C5: variants seen among roughly 807,000 people sequenced by gnomAD.
The protein encoded by C5 is complement C5.
In C5, 140 loss-of-function variants were observed where a neutral mutation model predicts 218.8. That is an observed-to-expected ratio of 0.64 (90% confidence interval 0.56 to 0.74). The LOEUF is 0.74. Ranked by LOEUF, C5 falls within the 30% of genes least tolerant of loss-of-function variation. The probability of loss-of-function intolerance (pLI) is 0.00; values close to 1 mark genes in which losing one functional copy is unlikely to be tolerated. For synonymous variants in C5, 614 were observed against 682.3 expected, an observed-to-expected ratio of 0.90 and a Z score of 1.56; for missense variants, 1,700 against 1,969.6, an observed-to-expected ratio of 0.86 and a Z score of 2.59.
At position 121,032,137 on chromosome 9, in the gene C5, C is replaced by T. The variant is rs765073719; in HGVS notation, c.643G>A (p.Ala215Thr). The T allele has an allele frequency of 8.7e-6, 14 of 1,602,150 alleles. No homozygotes were observed. The highest frequency in any genetic ancestry group is 1.7e-5 in the Admixed American group (1 of 60,000). The change falls in exon 6 of 41, where the codon GCA becomes ACA. Residue 215 changes from alanine to threonine, a missense_variant. By Grantham distance (58) the Ala-to-Thr change is moderately conservative. Coordinates refer to ENST00000223642, the MANE Select transcript of C5 (RefSeq NM_001735.3). The part of the protein sequence containing the change: ...YKEDFSTTGT[A>T]YFEVKEYVLP... ...CCATATTCTTTAACTTCAAAATATGCGGTTCCAGTTGTTGAAAAGTCCTCT... is the reference window on the plus strand; with the variant it reads ...CCATATTCTTTAACTTCAAAATATGTGGTTCCAGTTGTTGAAAAGTCCTCT...
At chr9:121,002,270 A>G (rs886905333) in intron 20 of C5, among the ~76,000 whole-genome samples, 1,357 of 122,472 alleles carry the variant, frequency 0.011, 57 homozygotes, top group East Asian at 0.019. Flanking sequence ...ATGTATATAT[A>G]TGTATATATA....
rs144254021 is a variant in C5 at position 121,034,814 on chromosome 9, C to A, written c.573G>T (p.Pro191=). 3 of 1,547,768 alleles carry A rather than the reference C, an allele frequency of 1.9e-6. No homozygotes were observed. Among genetic ancestry groups the A allele is most frequent in the Admixed American group, 1.7e-5 (1 of 59,756 alleles). ...GIISFPDFKI[P]SNPRYGMWTI... Reference sequence around the variant, plus strand: ...CTATTTTTACATACCTAGGATTAGACGGAATCTTGAAGTCAGGAAAAGAGA... The same window carrying A: ...CTATTTTTACATACCTAGGATTAGAAGGAATCTTGAAGTCAGGAAAAGAGA... Residue 191 remains proline (P), a synonymous_variant, in exon 5 of 41, where the codon CCG becomes CCT. Transcript: ENST00000223642.
Position 121,015,202 on chromosome 9 carries a change from T to C in C5, c.2056A>G (p.Ile686Val). The C allele has an allele frequency of 3.1e-6, 5 of 1,598,156 alleles. No individual in the cohort carries two copies. Among genetic ancestry groups the C allele is most frequent in the Non-Finnish European group, 4.3e-6 (5 of 1,166,626 alleles). ...RRTLQKKIEE[I>V]AAKYKHSVVK... ...AATCACATGAATCTTACAGTACCTA[T>C]TTCTTCTATCTTCTTTTGCAGCGTT... Residue 686 changes from isoleucine (I) to valine (V), a missense_variant, in exon 16 of 41, where the codon ATA becomes GTA. By Grantham distance (29) the Ile-to-Val change is conservative (BLOSUM62 3). Coordinates refer to ENST00000223642, the MANE Select transcript of C5 (RefSeq NM_001735.3).
chr9:120,988,368 T>C (rs2047050194), intron 25 of C5, among the ~76,000 whole-genome samples: 1 of 152,062 alleles, frequency 6.6e-6, no homozygotes, highest in African/African-American at 2.4e-5. Flanking sequence ...GGGGAGTGGA[T>C]TGCAATTTTA....
At chr9:121,009,513 G>C (rs960902452) in intron 17 of C5, among the ~76,000 whole-genome samples, 21 of 152,224 alleles carry the variant, frequency 1.4e-4, no homozygotes, top group African/African-American at 4.6e-4. Flanking sequence ...GCTGCAGAGA[G>C]AGACTTCTAT....
chr9:120,980,800 T>C (rs1432467401), intron 27 of C5, among the ~76,000 whole-genome samples: 1 of 151,750 alleles, frequency 6.6e-6, no homozygotes, highest in Non-Finnish European at 1.5e-5. Context: ...GGTTTCACCG[T>C]GTTCGCCAGG....
intron 17 of C5, among the ~76,000 whole-genome samples, chr9:121,009,733 A>G: frequency 6.6e-6 from 1 of 152,232 alleles, no homozygotes; most frequent in East Asian, 1.9e-4. Flanking sequence ...TTGACTTTAC[A>G]TCACTGAAAG....
intron 38 of C5, 67 bp from the exon 39 acceptor site, chr9:120,957,435 G>A: frequency 8.3e-7 from 1 of 1,208,960 alleles, no homozygotes; most frequent in Non-Finnish European, 1.2e-6. Flanking sequence ...TCCAGTAGAA[G>A]CCAGAATTTG....
Position 120,961,484 on chromosome 9 carries a change from T to G in C5, c.4586A>C (p.Glu1529Ala), listed in dbSNP as rs542182447. 19 of 1,602,312 alleles carry G rather than the reference T, an allele frequency of 1.2e-5. No homozygotes were observed. The Admixed American group carries it at 2.8e-4, about 24-fold the overall frequency. Residue 1529 changes from glutamate to alanine, a missense_variant and splice_region_variant, in exon 37 of 41, where the codon GAA becomes GCA. By Grantham distance (107) the Glu-to-Ala change is moderately radical. Transcript: ENST00000223642. ...TAAATATGTTAAATAAAGTTTACCT[T>G]CTACACACTTGCACGCGGCTCCTTC... ...VCEGAACKCV[E>A]ADCGQMQEEL...
intron 25 of C5, among the ~76,000 whole-genome samples, chr9:120,988,656 G>C (rs41311891): frequency 1.3e-5 from 2 of 152,146 alleles, no homozygotes; most frequent in Non-Finnish European, 2.9e-5. Flanking sequence ...TTTTACTCTG[G>C]GTAAGATGGG....
Position 120,972,020 on chromosome 9 carries a change from T to C in C5, c.4018-28A>G, listed in dbSNP as rs763332288. 50 of 1,587,248 alleles carry C rather than the reference T, an allele frequency of 3.2e-5. No homozygotes were observed. The Middle Eastern group carries it at 8.3e-4, about 26-fold the overall frequency. On this transcript the variant is annotated intron_variant, in intron 30 of 40. Coordinates refer to ENST00000223642, the MANE Select transcript of C5 (RefSeq NM_001735.3). ...GGAAAGATAATAGAGAAACAAACCA[T>C]GCTTTCTTTCATCATTTGATAGGGA...
rs1211457061 is a variant in C5, at chr9:121,021,437, T to C, written c.1302+72A>G. 10 of 1,264,144 alleles carry C rather than the reference T, an allele frequency of 7.9e-6. No individual in the cohort carries two copies. In the East Asian group the frequency reaches 1.4e-4, roughly 18 times the overall value. The allele number at this position is 1,264,144 out of a possible 1,614,324, so 78.3% of individuals were successfully genotyped here. A position where few individuals can be genotyped will look rare whatever the true frequency, so the allele number is the denominator to read the frequency against. ...TGTGTAAAATCTGCCGCATCTGTTC[T>C]GCACACTAGCCAAAACACATGGTCA... On this transcript the variant is annotated intron_variant, in intron 11 of 40. Coordinates refer to ENST00000223642, the MANE Select transcript of C5 (RefSeq NM_001735.3).
At chr9:121,017,146 C>T (rs1445472530) in intron 14 of C5, among the ~76,000 whole-genome samples, 1 of 152,146 alleles carries the variant, frequency 6.6e-6, no homozygotes, top group African/African-American at 2.4e-5. Context: ...CTACCATGAT[C>T]ATATATTCTT....
the C5 span, among the ~76,000 whole-genome samples, chr9:121,058,858 A>G: frequency 6.6e-6 from 1 of 152,242 alleles, no homozygotes; most frequent in South Asian, 2.1e-4. Flanking sequence ...CAAATGCACA[A>G]GGTGGGAATA....
intron 38 of C5, among the ~76,000 whole-genome samples, chr9:120,958,806 AT>A (rs549723535): frequency 6.7e-5 from 10 of 149,122 alleles, no homozygotes; most frequent in South Asian, 4.2e-4. Context: ...ACTCTGTTAC[AT>A]TTTTTTTTTG....
intron 25 of C5, among the ~76,000 whole-genome samples, chr9:120,988,219 G>T (rs1007250286): frequency 2.0e-5 from 3 of 152,202 alleles, no homozygotes; most frequent in African/African-American, 7.2e-5. Flanking sequence ...CTATGTGCCA[G>T]GTAGGTACCA....
At chr9:121,007,369 A>G (rs1393454991) in intron 18 of C5, among the ~76,000 whole-genome samples, 2 of 152,258 alleles carry the variant, frequency 1.3e-5, no homozygotes, top group African/African-American at 2.4e-5. Context: ...TTAAGCTTGT[A>G]TATTTATTTA....
intron 17 of C5, among the ~76,000 whole-genome samples, chr9:121,010,944 C>T (rs962110011): frequency 6.6e-6 from 1 of 152,086 alleles, no homozygotes; most frequent in African/African-American, 2.4e-5. Context: ...AAGAATGAAA[C>T]GTGACCCTTA....
chr9:121,046,546 T>C (rs917151411), intron 1 of C5, among the ~76,000 whole-genome samples, 163 bp from the exon 2 acceptor site: 3 of 152,200 alleles, frequency 2.0e-5, no homozygotes, highest in Non-Finnish European at 4.4e-5. Context: ...CCACCATAAC[T>C]TCAGCATAAT....
Sources: allele counts gnomAD v4.1 joint callset (sites outside exome capture counted in the v4.1 genomes callset), GRCh38; gene constraint gnomAD v4.1.1; transcripts MANE v1.5; gene names NCBI Gene and HGNC (gene_info 2026-07-23, HGNC 2026-07-21).